INTU: variants seen among roughly 807,000 people sequenced by gnomAD.
INTU encodes protein inturned.
Under a neutral mutation model 100.5 loss-of-function variants are expected in INTU, and 68 were observed. The observed-to-expected ratio is 0.68, with a 90% CI of 0.56 to 0.83. The LOEUF (loss-of-function observed/expected upper bound fraction) is 0.83. INTU is among the 40% of genes least tolerant of loss of function. INTU has a pLI of 0.00. For missense variants in INTU, 1,071 were observed against 1,114.7 expected (o/e 0.96, Z 0.56); for synonymous variants, 357 against 395.7 (o/e 0.90, Z 1.16).
intron 2 of INTU, among the ~76,000 whole-genome samples, chr4:127,656,187 G>A (rs543188512): frequency 8.5e-5 from 13 of 152,214 alleles, no homozygotes; most frequent in East Asian, 3.9e-4. Context: ...TGTCTTCTGC[G>A]TCGCTCACAC....
chr4:127,671,971 G>C (rs905407567), intron 5 of INTU, among the ~76,000 whole-genome samples: 2 of 151,984 alleles, frequency 1.3e-5, no homozygotes, highest in African/African-American at 4.8e-5. Flanking sequence ...TGGACATAGA[G>C]TGTAAAATAA....
At chr4:127,685,516 C>A in intron 7 of INTU, 1 of 454,312 alleles carries the variant, frequency 2.2e-6, no homozygotes, top group Non-Finnish European at 4.4e-6. Flanking sequence ...AGAGGAACTG[C>A]TGAGGAGGCA....
Position 127,711,094 on chromosome 4 carries a change from G to C in INTU, c.2551G>C (p.Val851Leu), listed in dbSNP as rs553068888. ...TCGTGCAGTTTTCCAACAGACATTG[G>C]TGGAAGAGGTAGGGCACTGCTATAA... is the stretch of plus-strand genomic sequence containing the variant. ...SIRAVFQQTL[V>L]EEKKKGLNSG... The change falls in exon 14 of 16, where the codon GTG becomes CTG. Residue 851 changes from valine to leucine, a missense_variant. Transcript: ENST00000335251. 6.3e-7 allele frequency: 1 copy of C among 1,585,312 alleles called. No individual in the cohort carries two copies. Among genetic ancestry groups the C allele is most frequent in the Admixed American group, 1.7e-5 (1 of 59,556 alleles).
chr4:127,680,628 A>G (rs1222781818), intron 6 of INTU, among the ~76,000 whole-genome samples: 2 of 116,758 alleles, frequency 1.7e-5, no homozygotes, highest in African/African-American at 3.3e-5. Context: ...ATCTATGACA[A>G]ACCCACAGCC....
Position 127,699,994 on chromosome 4 carries a change from T to A in INTU, c.1450-16T>A, listed in dbSNP as rs1730575946. On this transcript the variant is annotated splice_polypyrimidine_tract_variant and intron_variant, in intron 8 of 15. Coordinates refer to ENST00000335251, the MANE Select transcript of INTU (RefSeq NM_015693.4). The stretch of plus-strand genomic sequence containing the variant: ...AGTCAAATGTTTATGTTACTCTTTT[T>A]TTTTTTTTAACATAGATGGAATTAG... 5.8e-6 allele frequency: 9 copies of A among 1,563,812 alleles called. No homozygotes were observed. The highest frequency in any genetic ancestry group is 7.8e-6 in the Non-Finnish European group (9 of 1,160,326).
At chr4:127,685,199 T>G (rs149271504) in intron 7 of INTU, among the ~76,000 whole-genome samples, 27 of 152,168 alleles carry the variant, frequency 1.8e-4, no homozygotes, top group African/African-American at 6.5e-4. Context: ...GTTTTTAACC[T>G]TCTTGATTGG....
chr4:127,716,298 A>G, intron 15 of INTU, 27 bp from the exon 16 acceptor site: 1 of 1,083,950 alleles, frequency 9.2e-7, no homozygotes, highest in Non-Finnish European at 1.3e-6. Flanking sequence ...TTAATTTCTG[A>G]AATGAGTGTG....
chr4:127,705,906 T>C, intron 11 of INTU, 94 bp downstream of exon 11: 1 of 852,910 alleles, frequency 1.2e-6, no homozygotes, highest in Non-Finnish European at 1.9e-6. Context: ...GGTAGGTAGG[T>C]ATCTATTGAC....
intron 9 of INTU, among the ~76,000 whole-genome samples, chr4:127,702,156 G>A (rs1178066571): frequency 6.6e-6 from 1 of 151,594 alleles, no homozygotes; most frequent in African/African-American, 2.4e-5. Context: ...ATTTTCTATG[G>A]TTAAAAAATA....
Position 127,700,004 on chromosome 4 carries a change from A to G in INTU, c.1450-6A>G, listed in dbSNP as rs76511723. On this transcript the variant is annotated splice_region_variant and splice_polypyrimidine_tract_variant and intron_variant, in intron 8 of 15. Transcript: ENST00000335251. ...TTATGTTACTCTTTTTTTTTTTTTAACATAGATGGAATTAGACATGGCATT... is the reference window on the plus strand; with the variant it reads ...TTATGTTACTCTTTTTTTTTTTTTAGCATAGATGGAATTAGACATGGCATT... The G allele has an allele frequency of 2.6e-6, 4 of 1,567,742 alleles. No homozygotes were observed. The highest frequency in any genetic ancestry group is 2.0e-5 in the Admixed American group (1 of 51,232).
chr4:127,720,148 T>C lies in INTU; in HGVS notation c.*3712T>C, dbSNP rs2148744081. 6.6e-6 allele frequency: 1 copy of C among 152,330 alleles called. No individual in the cohort carries two copies. Among genetic ancestry groups the C allele is most frequent in the South Asian group, 2.1e-4 (1 of 4,828 alleles). 9.4% of individuals were successfully genotyped at this position (152,330 alleles called of 1,614,324 possible). Reference sequence around the variant, plus strand: ...ATAAATTTCCCTCTTAACACTGCTTTAGCTATGCCCCAGAGATTCTGGTAC... The same window carrying C: ...ATAAATTTCCCTCTTAACACTGCTTCAGCTATGCCCCAGAGATTCTGGTAC... On this transcript the variant is annotated 3_prime_UTR_variant, in exon 16 of 16. Coordinates refer to ENST00000335251, the MANE Select transcript of INTU (RefSeq NM_015693.4).
At chr4:127,672,581 A>G (rs1728980961) in intron 5 of INTU, among the ~76,000 whole-genome samples, 1 of 151,832 alleles carries the variant, frequency 6.6e-6, no homozygotes, top group Non-Finnish European at 1.5e-5. Flanking sequence ...GGAAAGCAGT[A>G]AATACAGCTA....
intron 7 of INTU, chr4:127,685,703 C>A: frequency 4.4e-6 from 1 of 227,166 alleles, no homozygotes; most frequent in Non-Finnish European, 9.0e-6. Flanking sequence ...GAAAACTTTG[C>A]CATATTTTGC....
intron 2 of INTU, among the ~76,000 whole-genome samples, chr4:127,644,874 A>G (rs1336187077): frequency 2.0e-5 from 3 of 152,244 alleles, no homozygotes; most frequent in Non-Finnish European, 4.4e-5. Flanking sequence ...TTCCAACTTT[A>G]AATCTGAATT....
At position 127,643,788 on chromosome 4, in the gene INTU, A is replaced by G; in HGVS notation, c.414A>G (p.Pro138=). The G allele has an allele frequency of 1.2e-6, 2 of 1,614,130 alleles. No individual in the cohort carries two copies. The highest frequency in any genetic ancestry group is 1.7e-6 in the Non-Finnish European group (2 of 1,180,030). Residue 138 remains proline, a synonymous_variant, in exon 2 of 16, where the codon CCA becomes CCG. Transcript: ENST00000335251. ...CNKKNSNDNG[P]VSILKHQSNQ... is the part of the protein sequence containing the mutation. ...AAAAAAATAGCAATGACAATGGACC[A>G]GTATCCATTCTAAAGCATCAGTCCA...
At chr4:127,702,255 A>G (rs1453925079) in intron 9 of INTU, among the ~76,000 whole-genome samples, 3 of 152,170 alleles carry the variant, frequency 2.0e-5, no homozygotes, top group Non-Finnish European at 4.4e-5. Context: ...AGAATGTAAA[A>G]TGGTACAACT....
intron 9 of INTU, among the ~76,000 whole-genome samples, chr4:127,701,867 G>A (rs1434837409): frequency 6.6e-6 from 1 of 152,172 alleles, no homozygotes; most frequent in East Asian, 1.9e-4. Context: ...GGAGGAGAAT[G>A]TTAGCTTGAA....
At chr4:127,677,590 A>C (rs1366562939) in intron 6 of INTU, among the ~76,000 whole-genome samples, 1 of 151,950 alleles carries the variant, frequency 6.6e-6, no homozygotes, top group Non-Finnish European at 1.5e-5. Context: ...CCACACCAAA[A>C]ACCCATCTGT....
chr4:127,706,987 T>A lies in INTU; in HGVS notation c.2271+18T>A. 1 of 1,598,020 alleles carries A rather than the reference T, an allele frequency of 6.3e-7. No individual in the cohort carries two copies. The highest frequency in any genetic ancestry group is 8.5e-7 in the Non-Finnish European group (1 of 1,171,624). On this transcript the variant is annotated intron_variant, in intron 12 of 15. Transcript: ENST00000335251. ...TGCTTAAGGTGTGTGCTTATTCAAG[T>A]GTGTATGTTCTGGGAGCTAAGTTGT... is the stretch of plus-strand genomic sequence containing the variant.
Sources: allele counts gnomAD v4.1 joint callset (sites outside exome capture counted in the v4.1 genomes callset), GRCh38; gene constraint gnomAD v4.1.1; transcripts MANE v1.5; gene names NCBI Gene and HGNC (gene_info 2026-07-23, HGNC 2026-07-21).